PRMT7: variants seen among roughly 807,000 people sequenced by gnomAD.
The protein encoded by PRMT7 is protein arginine N-methyltransferase 7.
A neutral mutation model predicts 85.4 loss-of-function variants in PRMT7; 75 were observed. The ratio of observed to expected loss-of-function variants is 0.88; its 90% CI spans 0.73 to 1.06. The LOEUF is 1.06. Among genes scored for constraint, PRMT7 ranks in the 50% least tolerant of loss-of-function variants. The pLI, the probability that PRMT7 is intolerant of heterozygous loss-of-function variation, is 0.00. For synonymous variants in PRMT7, 397 were observed against 359.5 expected, an observed-to-expected ratio of 1.10 and a Z score of -1.18; for missense variants, 868 against 915.2, an observed-to-expected ratio of 0.95 and a Z score of 0.67.
chr16:68,352,828 A>T (rs2087614852), intron 15 of PRMT7, among the ~76,000 whole-genome samples: 1 of 152,244 alleles, frequency 6.6e-6, no homozygotes, highest in East Asian at 1.9e-4. Context: ...AAGCAGAACC[A>T]TAGTCACAAA....
intron 2 of PRMT7, among the ~76,000 whole-genome samples, chr16:68,314,032 G>A (rs1024395761): frequency 2.6e-5 from 4 of 152,198 alleles, no homozygotes; most frequent in Non-Finnish European, 4.4e-5. Flanking sequence ...AGTTGTATGC[G>A]TACATGCAGG....
rs193033334 is a variant in PRMT7, at chr16:68,343,037, T to C, written c.928-2638T>C. Among the ~76,000 whole-genome samples the C allele has an allele frequency of 2.4e-3, 366 of 152,174 alleles. 10 individuals are homozygous for C. The East Asian group carries it at 0.058, about 24-fold the overall frequency. ...CTGGCTAACATGTTGAAACCCTGTC[T>C]CTACTAAAAATACAAAGAAAATTAG... is the stretch of plus-strand genomic sequence containing the variant. On this transcript the variant is annotated intron_variant, in intron 9 of 18. Transcript: ENST00000441236.
chr16:68,327,617 C>T (rs1039892384), intron 5 of PRMT7, among the ~76,000 whole-genome samples: 2 of 152,102 alleles, frequency 1.3e-5, no homozygotes, highest in Non-Finnish European at 2.9e-5. Flanking sequence ...TTTCACTTTT[C>T]GTGATTTCAG....
chr16:68,352,981 C>G (rs957219139), intron 15 of PRMT7, among the ~76,000 whole-genome samples: 1 of 152,170 alleles, frequency 6.6e-6, no homozygotes, highest in African/African-American at 2.4e-5. Flanking sequence ...TCCTGTGTTA[C>G]TTGTTTACCT....
At chr16:68,330,662 TCAG>T (rs2083737083) in intron 6 of PRMT7, among the ~76,000 whole-genome samples, 1 of 152,160 alleles carries the variant, frequency 6.6e-6, no homozygotes, top group African/African-American at 2.4e-5. Flanking sequence ...TGGCAGGATC[TCAG>T]CTCACTGCAA....
intron 5 of PRMT7, among the ~76,000 whole-genome samples, chr16:68,326,860 A>G (rs2083183148): frequency 6.6e-6 from 1 of 152,156 alleles, no homozygotes; most frequent in Non-Finnish European, 1.5e-5. Context: ...GTGTGAAGGT[A>G]CCAGCTTGCA....
chr16:68,351,125 G>A (rs576340929), intron 14 of PRMT7, among the ~76,000 whole-genome samples: 18 of 152,312 alleles, frequency 1.2e-4, no homozygotes, highest in African/African-American at 4.3e-4. Context: ...GGGTCACATT[G>A]AATTGGAGTG....
chr16:68,313,414 T>C (rs2044230398), intron 2 of PRMT7, among the ~76,000 whole-genome samples: 2 of 152,172 alleles, frequency 1.3e-5, no homozygotes. Flanking sequence ...GACTCTACCA[T>C]ATGGATCCTA....
chr16:68,339,264 A>G lies in PRMT7; in HGVS notation c.505-58A>G, dbSNP rs543258974. Reference sequence around the variant, plus strand: ...AATAAACCTCTTTTGATCAATGGGAATTACTGTGGGTCTAAGCATCTGATT... The same window carrying G: ...AATAAACCTCTTTTGATCAATGGGAGTTACTGTGGGTCTAAGCATCTGATT... On this transcript the variant is annotated intron_variant, in intron 7 of 18. Transcript: ENST00000441236. 21 of 1,602,922 alleles carry G rather than the reference A, an allele frequency of 1.3e-5. No individual in the cohort carries two copies. The South Asian group carries it at 1.9e-4, about 14-fold the overall frequency.
At chr16:68,335,149 A>G (rs1289036902) in intron 6 of PRMT7, among the ~76,000 whole-genome samples, 2 of 152,200 alleles carry the variant, frequency 1.3e-5, no homozygotes, top group African/African-American at 2.4e-5. Flanking sequence ...TTTAAGTTAT[A>G]TAATTGGTTT....
chr16:68,329,123 G>GAT lies in PRMT7; in HGVS notation c.342_343dup (p.Lys115IlefsTer13). 6.2e-7 allele frequency: 1 copy of GAT among 1,612,562 alleles called. No homozygotes were observed. The highest frequency in any genetic ancestry group is 8.5e-7 in the Non-Finnish European group (1 of 1,178,632). On this transcript the variant is annotated frameshift_variant, in exon 6 of 19. Transcript: ENST00000441236. LOFTEE classifies it high-confidence loss of function. ...GATTGTGGAGAAAAATGGCTTTAGT[G>GAT]ATAAGATTAAGGTTATCAACAAGCA...
intron 4 of PRMT7, chr16:68,322,574 A>G (rs1261577748): frequency 1.0e-5 from 2 of 198,498 alleles, no homozygotes; most frequent in East Asian, 1.6e-4. Flanking sequence ...CTTGATAGAC[A>G]CTGCCACATT....
At chr16:68,355,036 C>T (rs150976282) in intron 16 of PRMT7, 426 of 152,812 alleles carry the variant, frequency 2.8e-3, no homozygotes, top group Non-Finnish European at 4.5e-3. Flanking sequence ...TGACTGCTGC[C>T]GTCCTGGTTT....
chr16:68,328,511 C>CAAAAAAAAAAAAAAAAAAAAAAAAAAAAA, intron 5 of PRMT7: 1 of 55,210 alleles, frequency 1.8e-5, no homozygotes, highest in Non-Finnish European at 4.2e-5. Context: ...GTATGTATAG[C>CAAAAAAAAAAAAAAAAAAAAAAAAAAAAA]AAAAAAAAAA....
At chr16:68,351,913 TC>T (rs1229065417) in intron 14 of PRMT7, 1 of 189,140 alleles carries the variant, frequency 5.3e-6, no homozygotes, top group East Asian at 1.4e-4. Flanking sequence ...ATGACCCCCT[TC>T]CTTGCTTTTT....
intron 4 of PRMT7, among the ~76,000 whole-genome samples, chr16:68,321,913 C>T (rs1002581277): frequency 6.6e-6 from 1 of 152,042 alleles, no homozygotes; most frequent in East Asian, 1.9e-4. Context: ...GATCCTCTCC[C>T]TTAGCAGGTA....
At chr16:68,330,295 A>T (rs1013667204) in intron 6 of PRMT7, among the ~76,000 whole-genome samples, 2 of 152,060 alleles carry the variant, frequency 1.3e-5, no homozygotes, top group Admixed American at 1.3e-4. Context: ...CAAAGGAAAA[A>T]CTGTGGTGAA....
chr16:68,334,508 A>T (rs1010713890), intron 6 of PRMT7, among the ~76,000 whole-genome samples: 1 of 152,006 alleles, frequency 6.6e-6, no homozygotes, highest in Non-Finnish European at 1.5e-5. Flanking sequence ...CCAGATGTAT[A>T]CTTTCCAAGG....
In PRMT7 at chr16:68,323,391, TG is replaced by T. The variant is rs1197673169; in HGVS notation, c.133-1291del. 1.5e-4 allele frequency among the ~76,000 whole-genome samples: 23 copies of T among 152,140 alleles called. 1 individual carries two copies. The highest frequency in any genetic ancestry group is 1.2e-3 in the Admixed American group (19 of 15,274). On this transcript the variant is annotated intron_variant, in intron 4 of 18. Coordinates refer to ENST00000441236, the MANE Select transcript of PRMT7 (RefSeq NM_019023.5). ...GCGCCACCATGCCTGGCTAATTTTT[TG>T]TATCTTTAGTAGAGATGGGGTTTCA...
Sources: allele counts gnomAD v4.1 joint callset (sites outside exome capture counted in the v4.1 genomes callset), GRCh38; gene constraint gnomAD v4.1.1; transcripts MANE v1.5; gene names NCBI Gene and HGNC (gene_info 2026-07-23, HGNC 2026-07-21).